Variants in PPP1R12A observed in about 807,000 individuals in gnomAD.
PPP1R12A encodes protein phosphatase 1 regulatory subunit 12A, also known as myosin binding subunit.
PPP1R12A carries 19 observed loss-of-function variants against 139.6 expected under a neutral mutation model. That is an observed-to-expected ratio of 0.14 (90% CI 0.09 to 0.20). The LOEUF is 0.20. Ranked by LOEUF, PPP1R12A falls within the 10% of genes least tolerant of loss-of-function variation. The pLI, the probability that PPP1R12A is intolerant of heterozygous loss-of-function variation, is 1.00. For synonymous variants in PPP1R12A, 427 were observed against 420.6 expected (o/e 1.02, Z -0.19); for missense variants, 925 against 1,211.5 (o/e 0.76, Z 3.51).
At chr12:79,899,271 TATATATATATA>T (rs1337075260) in intron 1 of PPP1R12A, among the ~76,000 whole-genome samples, 4 of 127,580 alleles carry the variant, frequency 3.1e-5, no homozygotes, top group African/African-American at 1.1e-4. Context: ...TATATATATA[TATATATATATA>T]TTCACTGTCT....
intron 1 of PPP1R12A, among the ~76,000 whole-genome samples, chr12:79,905,508 C>T (rs1886033179): frequency 6.6e-6 from 1 of 152,074 alleles, no homozygotes; most frequent in Non-Finnish European, 1.5e-5. Flanking sequence ...AGGATTTAAA[C>T]CTAAGACACA....
rs1873640765 is a variant in PPP1R12A at position 79,804,942 on chromosome 12, T to A, written c.2000+650A>T. Among the ~76,000 whole-genome samples the A allele has an allele frequency of 2.6e-5, 4 of 152,188 alleles. No homozygotes were observed. In the South Asian group the frequency reaches 8.3e-4, roughly 31 times the overall value. ...GATAGTTAGTAAGCTCCTTTGTACA[T>A]CTATGATTCCATGCCAGTAGGCAGC... On this transcript the variant is annotated intron_variant, in intron 14 of 24. Transcript: ENST00000450142.
At chr12:79,839,096 C>A (rs991684870) in intron 3 of PPP1R12A, among the ~76,000 whole-genome samples, 1 of 152,142 alleles carries the variant, frequency 6.6e-6, no homozygotes, top group Non-Finnish European at 1.5e-5. Context: ...GAGCCCACCT[C>A]TTACATCAGC....
chr12:79,845,481 G>A (rs1466519688), intron 2 of PPP1R12A, 61 bp from the exon 3 acceptor site: 16 of 1,207,046 alleles, frequency 1.3e-5, no homozygotes, highest in Non-Finnish European at 1.9e-5. Flanking sequence ...AAAACTAAAT[G>A]CATAACCAAT....
At chr12:79,838,558 C>T (rs771014487) in intron 3 of PPP1R12A, among the ~76,000 whole-genome samples, 6 of 152,202 alleles carry the variant, frequency 3.9e-5, no homozygotes, top group Non-Finnish European at 8.8e-5. Context: ...TTTCATGGGC[C>T]GGGTCCAGGG....
At chr12:79,870,653 G>A (rs1021825518) in intron 2 of PPP1R12A, among the ~76,000 whole-genome samples, 1 of 152,172 alleles carries the variant, frequency 6.6e-6, no homozygotes, top group East Asian at 1.9e-4. Context: ...AGCAACTATA[G>A]TCAACCTTGG....
intron 3 of PPP1R12A, among the ~76,000 whole-genome samples, chr12:79,836,166 T>A (rs1878054789): frequency 6.6e-6 from 1 of 152,212 alleles, no homozygotes; most frequent in African/African-American, 2.4e-5. Context: ...CAACCTATTA[T>A]GATTTTTATA....
chr12:79,879,342 T>C (rs1883413189), intron 1 of PPP1R12A, among the ~76,000 whole-genome samples: 1 of 151,982 alleles, frequency 6.6e-6, no homozygotes, highest in Admixed American at 6.6e-5. Context: ...GCTCCAAGCC[T>C]GAGCAACAGA....
At chr12:79,826,335 G>A (rs1323609198) in intron 5 of PPP1R12A, among the ~76,000 whole-genome samples, 3 of 145,426 alleles carry the variant, frequency 2.1e-5, no homozygotes, top group Admixed American at 1.4e-4. Context: ...CAATTGTTTC[G>A]GGTTTTTTTT....
At chr12:79,826,525 T>C (rs1876794984) in intron 5 of PPP1R12A, among the ~76,000 whole-genome samples, 1 of 151,856 alleles carries the variant, frequency 6.6e-6, no homozygotes, top group Non-Finnish European at 1.5e-5. Context: ...TACTATCACA[T>C]AAAGATCTAC....
intron 1 of PPP1R12A, among the ~76,000 whole-genome samples, chr12:79,915,441 G>C (rs1255103562): frequency 6.6e-6 from 1 of 152,012 alleles, no homozygotes; most frequent in Non-Finnish European, 1.5e-5. Flanking sequence ...TTACAATGCA[G>C]AATAGATTTT....
intron 1 of PPP1R12A, among the ~76,000 whole-genome samples, chr12:79,917,651 A>G (rs1187490204): frequency 6.6e-6 from 1 of 152,172 alleles, no homozygotes; most frequent in Non-Finnish European, 1.5e-5. Flanking sequence ...AAAACATGCA[A>G]AAAACCCTCA....
rs1163009329 is a variant in PPP1R12A at position 79,788,767 on chromosome 12, T to C, written c.2683A>G (p.Thr895Ala). The C allele has an allele frequency of 6.2e-7, 1 of 1,607,186 alleles. No individual in the cohort carries two copies. Among genetic ancestry groups the C allele is most frequent in the Non-Finnish European group, 8.5e-7 (1 of 1,176,608 alleles). The change falls in exon 21 of 25, where the codon ACA (threonine) becomes GCA (alanine). Residue 895 changes from threonine (T) to alanine (A), a missense_variant. By Grantham distance (58) the Thr-to-Ala change is moderately conservative. Coordinates refer to ENST00000450142, the MANE Select transcript of PPP1R12A (RefSeq NM_002480.3). ...DSISRYETSS[T>A]SAGDRYDSLL... ...GAATCATATCGATCACCAGCTGATGTAGAACTGGTTTCATATCTTCAAAAG... is the reference window on the plus strand; with the variant it reads ...GAATCATATCGATCACCAGCTGATGCAGAACTGGTTTCATATCTTCAAAAG...
At chr12:79,820,439 G>C (rs1388601234) in intron 8 of PPP1R12A, among the ~76,000 whole-genome samples, 1 of 152,126 alleles carries the variant, frequency 6.6e-6, no homozygotes, top group Non-Finnish European at 1.5e-5. Flanking sequence ...CGGCATCCTG[G>C]ACGTTTGGAC....
intron 18 of PPP1R12A, among the ~76,000 whole-genome samples, chr12:79,794,865 T>G (rs929460769): frequency 3.9e-5 from 6 of 152,110 alleles, no homozygotes; most frequent in African/African-American, 1.4e-4. Context: ...ATAACAGTTA[T>G]AAAATTTATA....
At chr12:79,855,934 C>A (rs1880606307) in intron 2 of PPP1R12A, among the ~76,000 whole-genome samples, 1 of 151,238 alleles carries the variant, frequency 6.6e-6, no homozygotes. Context: ...AAAAAAAAAA[C>A]ACAGTAAGCA....
intron 1 of PPP1R12A, among the ~76,000 whole-genome samples, chr12:79,927,425 C>T (rs920338960): frequency 2.0e-5 from 3 of 152,120 alleles, no homozygotes; most frequent in Non-Finnish European, 4.4e-5. Context: ...AGATACAGTA[C>T]TACTGCACTT....
At chr12:79,906,563 T>A (rs1430865296) in intron 1 of PPP1R12A, among the ~76,000 whole-genome samples, 1 of 152,168 alleles carries the variant, frequency 6.6e-6, no homozygotes, top group South Asian at 2.1e-4. Flanking sequence ...TTGCTTTAAA[T>A]TGCTTATTGT....
In PPP1R12A at chr12:79,792,516, C is replaced by T. The variant is rs181552835; in HGVS notation, c.2649+1347G>A. On this transcript the variant is annotated intron_variant, in intron 19 of 24. Coordinates refer to ENST00000450142, the MANE Select transcript of PPP1R12A (RefSeq NM_002480.3). ...TATGTTATTCATTACTTTAAAAGAA[C>T]TCTAAACAATCTAAAGTAAACAAAA... is the stretch of plus-strand genomic sequence containing the variant. Among the ~76,000 whole-genome samples the T allele has an allele frequency of 7.2e-5, 11 of 152,144 alleles. No homozygotes were observed. In the East Asian group the frequency reaches 1.9e-3, roughly 27 times the overall value.
Sources: gnomAD v4.1 joint callset for allele counts (sites outside exome capture counted in the v4.1 genomes callset) on GRCh38, gnomAD v4.1.1 for gene constraint, MANE v1.5 for transcripts, NCBI Gene and HGNC (gene_info 2026-07-23, HGNC 2026-07-21) for gene names.